TMEM132D: variants seen among roughly 807,000 people sequenced by gnomAD.
TMEM132D encodes the protein transmembrane protein 132D.
Under a neutral mutation model 62.3 loss-of-function variants are expected in TMEM132D, and 21 were observed. That is an observed-to-expected ratio of 0.34 (90% confidence interval 0.24 to 0.49). The LOEUF (loss-of-function observed/expected upper bound fraction) is 0.49. Among genes scored for constraint, TMEM132D ranks in the 20% least tolerant of loss-of-function variants. The pLI, the probability that TMEM132D is intolerant of heterozygous loss-of-function variation, is 0.99. For missense variants in TMEM132D, 1,346 were observed against 1,402.8 expected (o/e 0.96, Z 0.65); for synonymous variants, 621 against 575.6 (o/e 1.08, Z -1.13).
intron 2 of TMEM132D, among the ~76,000 whole-genome samples, chr12:129,591,342 T>C (rs1593079091): frequency 6.6e-6 from 1 of 152,176 alleles, no homozygotes; most frequent in Non-Finnish European, 1.5e-5. Context: ...AGAGCATGCA[T>C]CATCCATATC....
rs761892015 is a variant in TMEM132D, at chr12:129,524,920, C to CTTTTTTTTTTTTTTTTTT, written c.1115+6138_1115+6139insAAAAAAAAAAAAAAAAAA. ...CATTTTATTATTTTCATATTTTTTT[C>CTTTTTTTTTTTTTTTTTT]TTTTTTCTTTTTTTTTTTTTTTTTG... On this transcript the variant is annotated intron_variant, in intron 3 of 8. Transcript: ENST00000422113. Among the ~76,000 whole-genome samples the CTTTTTTTTTTTTTTTTTT allele has an allele frequency of 2.2e-5, 2 of 92,170 alleles. 1 individual carries two copies. Among genetic ancestry groups the CTTTTTTTTTTTTTTTTTT allele is most frequent in the African/African-American group, 8.9e-5 (2 of 22,488 alleles). The allele number at this position is 92,170 out of a possible 152,430, so 60.5% of individuals were successfully genotyped here.
chr12:129,129,861 A>G (rs1267421223), intron 5 of TMEM132D, among the ~76,000 whole-genome samples: 1 of 152,082 alleles, frequency 6.6e-6, no homozygotes, highest in Admixed American at 6.5e-5. Context: ...CCTCAGCAGG[A>G]TCAGGTCCCT....
chr12:129,146,511 A>G (rs184024095), intron 5 of TMEM132D, among the ~76,000 whole-genome samples: 2 of 152,174 alleles, frequency 1.3e-5, no homozygotes, highest in African/African-American at 4.8e-5. Context: ...ATGTCACCCA[A>G]ATATAATCCA....
rs149741322 is a variant in TMEM132D at position 129,599,399 on chromosome 12, C to G, written c.969-68194G>C. 5.3e-3 allele frequency among the ~76,000 whole-genome samples: 802 copies of G among 152,330 alleles called. 13 individuals are homozygous for G. The highest frequency in any genetic ancestry group is 0.018 in the African/African-American group (761 of 41,576). On this transcript the variant is annotated intron_variant, in intron 2 of 8. Coordinates refer to ENST00000422113, the MANE Select transcript of TMEM132D (RefSeq NM_133448.3). ...TTACAGAGGCATTACACACCAGCCA[C>G]TATCTATTCTGCAAACAGGGTTTCC...
chr12:129,459,883 T>A (rs1159758005), intron 3 of TMEM132D, among the ~76,000 whole-genome samples: 1 of 152,092 alleles, frequency 6.6e-6, no homozygotes, highest in Non-Finnish European at 1.5e-5. Flanking sequence ...AAACATCCGA[T>A]TAGGATTTCA....
intron 4 of TMEM132D, among the ~76,000 whole-genome samples, chr12:129,217,681 G>A (rs757627561): frequency 4.1e-4 from 62 of 151,574 alleles, no homozygotes; most frequent in Middle Eastern, 3.4e-3. Context: ...GGACATAAAA[G>A]CTAACTGGCC....
rs1262253598 is a variant in TMEM132D at position 129,073,049 on chromosome 12, G to A, written c.*826C>T. The A allele has an allele frequency of 6.6e-6, 1 of 152,216 alleles. No individual in the cohort carries two copies. 9.4% of individuals were successfully genotyped at this position (152,216 alleles called of 1,614,324 possible). A position where few individuals can be genotyped will look rare whatever the true frequency, so the allele number is the denominator to read the frequency against. ...ACCCACAGGTGACCAACGGCTTTGG[G>A]GAGGATGGCAATGCAGTGGAGGAAT... On this transcript the variant is annotated 3_prime_UTR_variant, in exon 9 of 9. Transcript: ENST00000422113.
chr12:129,837,204 A>G (rs1185203921), intron 1 of TMEM132D, among the ~76,000 whole-genome samples: 1 of 152,202 alleles, frequency 6.6e-6, no homozygotes, highest in Non-Finnish European at 1.5e-5. Flanking sequence ...TGCTTGCATT[A>G]TTTAAAATAT....
chr12:129,677,942 C>G (rs1328207926), intron 2 of TMEM132D, among the ~76,000 whole-genome samples: 1 of 147,608 alleles, frequency 6.8e-6, no homozygotes, highest in Non-Finnish European at 1.5e-5. Context: ...AATGTATTTT[C>G]TGCAAATTTT....
intron 1 of TMEM132D, among the ~76,000 whole-genome samples, chr12:129,753,482 C>A (rs751165833): frequency 6.6e-6 from 1 of 152,142 alleles, no homozygotes; most frequent in Non-Finnish European, 1.5e-5. Flanking sequence ...CAAAAAGATT[C>A]CAGGAAAAAC....
At chr12:129,268,935 T>C (rs11608820) in intron 4 of TMEM132D, among the ~76,000 whole-genome samples, 13,827 of 145,960 alleles carry the variant, frequency 0.095, 788 homozygotes, top group Admixed American at 0.19. Context: ...AACCAAACAC[T>C]GCATGTTCTC....
chr12:129,130,380 A>G (rs1876340999), intron 5 of TMEM132D, among the ~76,000 whole-genome samples: 1 of 151,948 alleles, frequency 6.6e-6, no homozygotes, highest in South Asian at 2.1e-4. Flanking sequence ...GCTCCTGGTG[A>G]CTGCATGGCC....
At chr12:129,352,429 C>T (rs1296603886) in intron 3 of TMEM132D, among the ~76,000 whole-genome samples, 2 of 114,804 alleles carry the variant, frequency 1.7e-5, no homozygotes, top group Non-Finnish European at 3.4e-5. Flanking sequence ...GCTGTCCTTT[C>T]ACCACTTTAC....
At chr12:129,809,643 G>T (rs1231607564) in intron 1 of TMEM132D, among the ~76,000 whole-genome samples, 30 of 152,134 alleles carry the variant, frequency 2.0e-4, no homozygotes, top group Admixed American at 2.0e-3. Context: ...TTTGTAAAGT[G>T]AATTTGAAAT....
chr12:129,564,848 T>A (rs955921175), intron 2 of TMEM132D, among the ~76,000 whole-genome samples: 1 of 152,198 alleles, frequency 6.6e-6, no homozygotes, highest in African/African-American at 2.4e-5. Flanking sequence ...CAGGCTGGCA[T>A]GACCATGGAA....
At chr12:129,862,093 A>C (rs374106279) in intron 1 of TMEM132D, among the ~76,000 whole-genome samples, 49 of 152,344 alleles carry the variant, frequency 3.2e-4, no homozygotes, top group African/African-American at 1.2e-3. Flanking sequence ...CATCTGAGTC[A>C]TGATAAAGCT....
At chr12:129,447,889 A>G (rs1873154354) in intron 3 of TMEM132D, among the ~76,000 whole-genome samples, 1 of 152,166 alleles carries the variant, frequency 6.6e-6, no homozygotes. Flanking sequence ...GGTACTATTT[A>G]TCTGATTTGT....
At chr12:129,711,219 A>G (rs1019561682) in intron 1 of TMEM132D, among the ~76,000 whole-genome samples, 8 of 152,100 alleles carry the variant, frequency 5.3e-5, no homozygotes, top group Non-Finnish European at 1.2e-4. Context: ...AGAAAATGCA[A>G]CTTCCGTTGT....
intron 1 of TMEM132D, among the ~76,000 whole-genome samples, chr12:129,741,577 A>G (rs1869610444): frequency 6.6e-6 from 1 of 152,200 alleles, no homozygotes; most frequent in Non-Finnish European, 1.5e-5. Flanking sequence ...ACTGTGAAGA[A>G]TGTTCTCTCC....
Sources: allele counts gnomAD v4.1 joint callset (sites outside exome capture counted in the v4.1 genomes callset), GRCh38; gene constraint gnomAD v4.1.1; transcripts MANE v1.5; gene names NCBI Gene and HGNC (gene_info 2026-07-23, HGNC 2026-07-21).